AHRR: variants seen among roughly 807,000 people sequenced by gnomAD.
The protein encoded by AHRR is ahR repressor.
In AHRR, 28 loss-of-function variants were observed where a neutral mutation model predicts 44.0. The observed-to-expected ratio is 0.64, with a 90% confidence interval of 0.47 to 0.87. The LOEUF (loss-of-function observed/expected upper bound fraction) is 0.87, where lower values mean the gene tolerates loss of function less well. Ranked by LOEUF, AHRR falls within the 40% of genes least tolerant of loss-of-function variation. The pLI, the probability that AHRR is intolerant of heterozygous loss-of-function variation, is 0.00. For synonymous variants in AHRR, 434 were observed against 407.0 expected (o/e 1.07, Z -0.80); for missense variants, 990 against 953.9 (o/e 1.04, Z -0.50).
At chr5:389,689 G>T (rs1734325197) in intron 4 of AHRR, among the ~76,000 whole-genome samples, 1 of 151,984 alleles carries the variant, frequency 6.6e-6, no homozygotes. Context: ...CCTCTGGGGG[G>T]TCTGACGGCC....
At chr5:347,187 G>A (rs532580571) in intron 2 of AHRR, among the ~76,000 whole-genome samples, 2 of 152,314 alleles carry the variant, frequency 1.3e-5, no homozygotes, top group East Asian at 3.9e-4. Flanking sequence ...CCTTTTCTGT[G>A]AACCGTGTTT....
At chr5:352,900 C>T (rs1323175636) in intron 2 of AHRR, among the ~76,000 whole-genome samples, 1 of 151,008 alleles carries the variant, frequency 6.6e-6, no homozygotes, top group Non-Finnish European at 1.5e-5. Context: ...TTAAATGGGT[C>T]AGCCGTAGGG....
intron 4 of AHRR, among the ~76,000 whole-genome samples, chr5:392,290 G>C (rs1734495081): frequency 2.1e-5 from 2 of 94,980 alleles, no homozygotes; most frequent in African/African-American, 1.1e-4. Flanking sequence ...GGCGAGGAGG[G>C]CGCAGGGCGA....
chr5:354,996 C>T (rs1213918004), intron 3 of AHRR, among the ~76,000 whole-genome samples: 2 of 152,256 alleles, frequency 1.3e-5, no homozygotes, highest in Non-Finnish European at 2.9e-5. Flanking sequence ...CTGGCCGCAG[C>T]CTCCATGGAA....
rs1272049460 is a variant in AHRR at position 411,088 on chromosome 5, A to G, written c.352-2256A>G. Among the ~76,000 whole-genome samples, 2 of 152,030 alleles carry G rather than the reference A, an allele frequency of 1.3e-5. No individual in the cohort carries two copies. The highest frequency in any genetic ancestry group is 4.8e-5 in the African/African-American group (2 of 41,380). On this transcript the variant is annotated intron_variant, in intron 4 of 10. Transcript: ENST00000684583. This position sits in a 1 kb window ranked among gnomAD's most constrained non-coding sequence, Gnocchi z 4.2. ...CTTTTCAAAATTTTCAAAAATTCAA[A>G]TTTTGACTCTGTTAATGGCCTTTAT...
chr5:392,808 C>T (rs1734529143), intron 4 of AHRR, among the ~76,000 whole-genome samples: 1 of 152,112 alleles, frequency 6.6e-6, no homozygotes, highest in South Asian at 2.1e-4. Flanking sequence ...CTTACCGCGA[C>T]TGCCTCAGGC....
chr5:424,081 C>T (rs927865539), intron 7 of AHRR, 104 bp downstream of exon 7: 3 of 1,483,752 alleles, frequency 2.0e-6, no homozygotes, highest in Admixed American at 2.0e-5. Context: ...CGTTAAACCA[C>T]ATGTCCCTGG....
intron 4 of AHRR, among the ~76,000 whole-genome samples, chr5:402,858 C>T (rs1421719226): frequency 6.6e-6 from 1 of 152,180 alleles, no homozygotes; most frequent in African/African-American, 2.4e-5. Context: ...GAATCCTGTT[C>T]AACCAGAAAA....
Position 432,987 on chromosome 5 carries a change from C to A in AHRR, c.1112+40C>A, listed in dbSNP as rs114075285. 1.2e-3 allele frequency: 1,770 copies of A among 1,533,546 alleles called. 14 individuals carry two copies. The African/African-American group carries it at 0.021, about 18-fold the overall frequency. 95.0% of individuals were successfully genotyped at this position (1,533,546 alleles called of 1,614,324 possible). A position where few individuals can be genotyped will look rare whatever the true frequency, so the allele number is the denominator to read the frequency against. On this transcript the variant is annotated intron_variant, in intron 10 of 10. Transcript: ENST00000684583. ...GCAGCCTCCCCCAGCCCTGGCAGCTCCCTAAGTCACCGTGGAGGCCAAAGA... is the reference window on the plus strand; with the variant it reads ...GCAGCCTCCCCCAGCCCTGGCAGCTACCTAAGTCACCGTGGAGGCCAAAGA...
rs1742389770 is a variant in AHRR at position 342,796 on chromosome 5, G to A, written c.-10-1097G>A. Among the ~76,000 whole-genome samples, 1 of 152,226 alleles carries A rather than the reference G, an allele frequency of 6.6e-6. No individual in the cohort carries two copies. Among genetic ancestry groups the A allele is most frequent in the African/African-American group, 2.4e-5 (1 of 41,464 alleles). Reference sequence around the variant, plus strand: ...AAATCAAGATTCTGTGAGAAGAAGGGTGATGCCCTCTCTGAGGTGGGTGGC... The same window carrying A: ...AAATCAAGATTCTGTGAGAAGAAGGATGATGCCCTCTCTGAGGTGGGTGGC... On this transcript the variant is annotated intron_variant, in intron 1 of 10. Coordinates refer to ENST00000684583, the MANE Select transcript of AHRR (RefSeq NM_001377236.1). This position sits in a 1 kb window ranked among gnomAD's most constrained non-coding sequence, Gnocchi z 4.3.
chr5:350,236 A>G (rs1742812726), intron 2 of AHRR, among the ~76,000 whole-genome samples: 1 of 152,204 alleles, frequency 6.6e-6, no homozygotes, highest in African/African-American at 2.4e-5. Flanking sequence ...GAATCATCCA[A>G]TCAAAGAACA....
At chr5:391,426 GGCAGGGCGAGGCGGGC>G (rs1373678135) in intron 4 of AHRR, among the ~76,000 whole-genome samples, 1 of 66,856 alleles carries the variant, frequency 1.5e-5, no homozygotes, top group Non-Finnish European at 2.5e-5. Context: ...CGTGCACGGG[GGCAGGGCGAGGCGGGC>G]GCAGGGCGAG....
Position 405,542 on chromosome 5 carries a change from C to T in AHRR, c.352-7802C>T, listed in dbSNP as rs1383900631. The stretch of plus-strand genomic sequence containing the variant: ...GTGAGACTTGGGTTTCTTGCTCAGA[C>T]GCTCAACACAGAGTTCAAATCCCAC... On this transcript the variant is annotated intron_variant, in intron 4 of 10. Coordinates refer to ENST00000684583, the MANE Select transcript of AHRR (RefSeq NM_001377236.1). This position sits in a 1 kb window ranked among gnomAD's most constrained non-coding sequence, Gnocchi z 4.5. Among the ~76,000 whole-genome samples, 5 of 152,166 alleles carry T rather than the reference C, an allele frequency of 3.3e-5. No homozygotes were observed. The highest frequency in any genetic ancestry group is 4.1e-4 in the South Asian group (2 of 4,830).
At chr5:427,132 A>G (rs1447893142) in intron 7 of AHRR, among the ~76,000 whole-genome samples, 1 of 152,176 alleles carries the variant, frequency 6.6e-6, no homozygotes, top group Non-Finnish European at 1.5e-5. Context: ...GATGGATGAA[A>G]TAAGGATAGA....
chr5:373,243 C>T (rs1436883889), intron 3 of AHRR, among the ~76,000 whole-genome samples: 1 of 152,244 alleles, frequency 6.6e-6, no homozygotes, highest in Non-Finnish European at 1.5e-5. Flanking sequence ...TGCCCCGCGG[C>T]CCTGGCCCTG....
intron 1 of AHRR, among the ~76,000 whole-genome samples, chr5:322,837 C>A (rs926981662): frequency 7.2e-5 from 11 of 152,238 alleles, no homozygotes; most frequent in African/African-American, 2.4e-4. Context: ...GACGCCGCCG[C>A]CTGGGGAGCC....
chr5:415,355 G>A (rs1257705032), intron 5 of AHRR, among the ~76,000 whole-genome samples: 30 of 140,748 alleles, frequency 2.1e-4, no homozygotes, highest in Admixed American at 1.4e-3. Flanking sequence ...GAGGCCTAGG[G>A]GCCGAGTCTC....
chr5:367,861 C>T (rs1243472568), intron 3 of AHRR: 16 of 702,452 alleles, frequency 2.3e-5, no homozygotes, highest in East Asian at 1.1e-4. Context: ...CACGGGCGAA[C>T]GAAGGCCCAT....
intron 3 of AHRR, among the ~76,000 whole-genome samples, chr5:367,176 G>C (rs1743388614): frequency 6.6e-6 from 1 of 152,240 alleles, no homozygotes; most frequent in Admixed American, 6.5e-5. Context: ...GTCCCTGGGG[G>C]GTCGCCGCAG....
Sources: gnomAD v4.1 joint callset for allele counts (sites outside exome capture counted in the v4.1 genomes callset) on GRCh38, gnomAD v4.1.1 for gene constraint, Gnocchi (gnomAD v3.1) non-coding constraint, MANE v1.5 for transcripts, NCBI Gene and HGNC (gene_info 2026-07-23, HGNC 2026-07-21) for gene names.